The following ZNF385D variants were observed in gnomAD, a reference collection of about 807,000 sequenced individuals.
ZNF385D encodes the protein zinc finger protein 385D.
A neutral mutation model predicts 35.8 loss-of-function variants in ZNF385D; 15 were observed. That is an observed-to-expected ratio of 0.42 (90% CI 0.28 to 0.64). The LOEUF is 0.64. Ranked by LOEUF, ZNF385D falls within the 30% of genes least tolerant of loss-of-function variation. The probability of loss-of-function intolerance (pLI) is 0.23; values close to 1 mark genes in which losing one functional copy is unlikely to be tolerated. For synonymous variants in ZNF385D, 212 were observed against 186.8 expected (o/e 1.13, Z -1.10); for missense variants, 474 against 494.6 (o/e 0.96, Z 0.39).
chr3:22,222,521 A>C (rs892530485), intron 2 of ZNF385D, among the ~76,000 whole-genome samples: 3 of 152,188 alleles, frequency 2.0e-5, no homozygotes, highest in African/African-American at 7.2e-5. Context: ...GAAATGCAGC[A>C]ATCAACTTCA....
chr3:22,122,109 C>G (rs766978244), intron 3 of ZNF385D, among the ~76,000 whole-genome samples: 2 of 152,080 alleles, frequency 1.3e-5, no homozygotes, highest in African/African-American at 2.4e-5. Context: ...ACTTCTTTAT[C>G]AAGTTTTCTT....
rs1040715521 is a variant in ZNF385D at position 22,140,553 on chromosome 3, C to A, written c.325+28264G>T. Among the ~76,000 whole-genome samples the A allele has an allele frequency of 7.9e-5, 12 of 152,116 alleles. No individual in the cohort carries two copies. The South Asian group carries it at 2.5e-3, about 32-fold the overall frequency. On this transcript the variant is annotated intron_variant, in intron 3 of 5. Transcript: ENST00000494108. ...CCCCAAAAACATGTAAAAGCTAGTA[C>A]AATCCAAATAAATTTGTAGTTTAAT...
Position 21,985,572 on chromosome 3 carries a change from T to G in ZNF385D, c.325+183245A>C, listed in dbSNP as rs1359005868. 7.0e-4 allele frequency among the ~76,000 whole-genome samples: 93 copies of G among 133,696 alleles called. 4 individuals carry two copies. The highest frequency in any genetic ancestry group is 2.7e-3 in the African/African-American group (86 of 31,980). The allele number at this position is 133,696 out of a possible 152,430, so 87.7% of individuals were successfully genotyped here. On this transcript the variant is annotated intron_variant, in intron 3 of 5. Coordinates refer to the ZNF385D transcript ENST00000494108. Reference sequence around the variant, plus strand: ...TGTGCTGCTGGATTCAGTTTGCCAGTATTTTATTGAGGATTTTTGCATCAA... The same window carrying G: ...TGTGCTGCTGGATTCAGTTTGCCAGGATTTTATTGAGGATTTTTGCATCAA...
intron 3 of ZNF385D, among the ~76,000 whole-genome samples, chr3:22,064,197 G>A (rs1342954292): frequency 1.3e-5 from 2 of 152,170 alleles, no homozygotes; most frequent in African/African-American, 4.8e-5. Context: ...TAGCTCAGGA[G>A]AAGCCATGAC....
At chr3:22,223,872 T>G (rs1349403040) in intron 2 of ZNF385D, among the ~76,000 whole-genome samples, 1 of 152,166 alleles carries the variant, frequency 6.6e-6, no homozygotes, top group Non-Finnish European at 1.5e-5. Context: ...CTGATTGGTT[T>G]ATTTATTTTT....
In ZNF385D at chr3:21,797,737, C is replaced by T. The variant is rs182530780; in HGVS notation, c.326-132709G>A. 1.8e-3 allele frequency among the ~76,000 whole-genome samples: 273 copies of T among 152,044 alleles called. 1 individual carries two copies. The highest frequency in any genetic ancestry group is 1.9e-3 in the Admixed American group (29 of 15,274). On this transcript the variant is annotated intron_variant, in intron 3 of 5. Transcript: ENST00000494108. The stretch of plus-strand genomic sequence containing the variant: ...CCTAAATCCATATTATCAAGTGAAA[C>T]GAGCAAATTTGAAGAGGCCCCATGC...
intron 3 of ZNF385D, among the ~76,000 whole-genome samples, chr3:21,788,135 A>C (rs1391978477): frequency 1.3e-5 from 2 of 152,164 alleles, no homozygotes; most frequent in African/African-American, 4.8e-5. Flanking sequence ...TATCAATAGA[A>C]CTATTAGAAG....
At chr3:21,726,155 C>G (rs2068755535) in intron 1 of ZNF385D, among the ~76,000 whole-genome samples, 2 of 152,084 alleles carry the variant, frequency 1.3e-5, no homozygotes, top group Non-Finnish European at 2.9e-5. Flanking sequence ...TCTCAATAAA[C>G]TAGATATCGA....
chr3:22,173,132 T>C (rs1292075463), intron 2 of ZNF385D, among the ~76,000 whole-genome samples: 3 of 152,124 alleles, frequency 2.0e-5, no homozygotes, highest in African/African-American at 7.2e-5. Flanking sequence ...GTATACAAAA[T>C]ACCTGACCAA....
rs911927097 is a variant in ZNF385D, at chr3:21,530,285, C to T, written c.277-19262G>A. On this transcript the variant is annotated intron_variant, in intron 3 of 7. Coordinates refer to ENST00000281523, the MANE Select transcript of ZNF385D (RefSeq NM_024697.3). ...TTATCCAGCCTCAGGTATTTCTTCACAGCAATGCAAAATGGAGTAACACAA... is the reference window on the plus strand; with the variant it reads ...TTATCCAGCCTCAGGTATTTCTTCATAGCAATGCAAAATGGAGTAACACAA... Among the ~76,000 whole-genome samples, 4 of 152,182 alleles carry T rather than the reference C, an allele frequency of 2.6e-5. No individual in the cohort carries two copies. The East Asian group carries it at 7.7e-4, about 29-fold the overall frequency.
At chr3:21,779,654 C>A (rs1329747406) in intron 3 of ZNF385D, among the ~76,000 whole-genome samples, 1 of 151,896 alleles carries the variant, frequency 6.6e-6, no homozygotes, top group Non-Finnish European at 1.5e-5. Flanking sequence ...ATTTACTGAG[C>A]GCCTTCTCAA....
At chr3:22,196,379 G>A (rs567101688) in intron 2 of ZNF385D, among the ~76,000 whole-genome samples, 1 of 152,100 alleles carries the variant, frequency 6.6e-6, no homozygotes, top group Non-Finnish European at 1.5e-5. Context: ...AACAATAGAA[G>A]TAGGATTGTC....
intron 3 of ZNF385D, among the ~76,000 whole-genome samples, chr3:21,795,108 C>T (rs1262666516): frequency 1.3e-5 from 2 of 152,164 alleles, no homozygotes; most frequent in Non-Finnish European, 2.9e-5. Flanking sequence ...GAATTAAATG[C>T]TTAAGTTAGA....
chr3:22,062,702 T>C (rs1037134732), intron 3 of ZNF385D, among the ~76,000 whole-genome samples: 7 of 152,158 alleles, frequency 4.6e-5, no homozygotes, highest in Non-Finnish European at 8.8e-5. Context: ...GAGTAGAGTG[T>C]AGTAGAATTA....
At chr3:22,230,612 C>G (rs1698828535) in intron 2 of ZNF385D, among the ~76,000 whole-genome samples, 2 of 152,180 alleles carry the variant, frequency 1.3e-5, no homozygotes, top group Admixed American at 1.3e-4. Context: ...CTCACATCAA[C>G]CCCTAAATTC....
At chr3:22,216,099 C>T (rs1697865659) in intron 2 of ZNF385D, among the ~76,000 whole-genome samples, 2 of 152,016 alleles carry the variant, frequency 1.3e-5, no homozygotes, top group African/African-American at 4.8e-5. Flanking sequence ...TCCTCTGACT[C>T]ACTTGTCTCT....
intron 3 of ZNF385D, among the ~76,000 whole-genome samples, chr3:22,082,210 G>A (rs2125584961): frequency 1.3e-5 from 2 of 152,188 alleles, no homozygotes; most frequent in Admixed American, 1.3e-4. Context: ...TTGGACAGTG[G>A]ATGCAGCCCA....
chr3:22,368,483 T>C (rs1696754663), intron 2 of ZNF385D, among the ~76,000 whole-genome samples: 1 of 152,168 alleles, frequency 6.6e-6, no homozygotes, highest in Non-Finnish European at 1.5e-5. Flanking sequence ...TCTTAATCAG[T>C]ATGGACTGCT....
At chr3:22,182,194 C>G (rs1265826663) in intron 2 of ZNF385D, among the ~76,000 whole-genome samples, 1 of 152,126 alleles carries the variant, frequency 6.6e-6, no homozygotes, top group African/African-American at 2.4e-5. Flanking sequence ...TACATAACTA[C>G]TATACCAATT....
Sources: allele counts gnomAD v4.1 joint callset (sites outside exome capture counted in the v4.1 genomes callset), GRCh38; gene constraint gnomAD v4.1.1; transcripts MANE v1.5; gene names NCBI Gene and HGNC (gene_info 2026-07-23, HGNC 2026-07-21).